SGCZ: variants seen among roughly 807,000 people sequenced by gnomAD.
SGCZ encodes sarcoglycan zeta, also known as zeta-sarcoglycan.
Under a neutral mutation model 41.3 loss-of-function variants are expected in SGCZ, and 40 were observed. The observed-to-expected ratio is 0.97, with a 90% CI of 0.75 to 1.26. SGCZ has a LOEUF of 1.26. SGCZ is among the 50% of genes most tolerant of loss of function. SGCZ has a pLI of 0.00. For missense variants in SGCZ, 552 were observed against 369.8 expected, an observed-to-expected ratio of 1.49 and a Z score of -4.04; for synonymous variants, 206 against 137.5, an observed-to-expected ratio of 1.50 and a Z score of -3.49.
At chr8:14,903,508 G>C (rs1319977750) in intron 1 of SGCZ, among the ~76,000 whole-genome samples, 1 of 152,064 alleles carries the variant, frequency 6.6e-6, no homozygotes, top group African/African-American at 2.4e-5. Flanking sequence ...TGTTCTCTAA[G>C]TATTTGAGTC....
intron 4 of SGCZ, among the ~76,000 whole-genome samples, chr8:14,234,826 C>A (rs1806697527): frequency 6.6e-6 from 1 of 152,124 alleles, no homozygotes. Context: ...TTTATTCTTA[C>A]ATAATTGAAG....
At chr8:14,471,064 G>A (rs568173899) in intron 2 of SGCZ, among the ~76,000 whole-genome samples, 13 of 152,080 alleles carry the variant, frequency 8.5e-5, no homozygotes, top group Non-Finnish European at 1.5e-4. Flanking sequence ...CACATTCTCA[G>A]CCAGACACTT....
intron 4 of SGCZ, among the ~76,000 whole-genome samples, chr8:14,232,963 A>G (rs543092326): frequency 4.4e-4 from 67 of 152,176 alleles, no homozygotes; most frequent in Non-Finnish European, 6.8e-4. Context: ...GGATAATAAT[A>G]TAGATGTGGG....
intron 4 of SGCZ, among the ~76,000 whole-genome samples, chr8:14,232,092 G>C (rs1378571239): frequency 6.6e-6 from 1 of 151,680 alleles, no homozygotes; most frequent in Admixed American, 6.6e-5. Context: ...TTTACTTTCA[G>C]AATCCTAATG....
chr8:15,007,138 G>A (rs1348287893), intron 1 of SGCZ, among the ~76,000 whole-genome samples: 1 of 152,068 alleles, frequency 6.6e-6, no homozygotes, highest in African/African-American at 2.4e-5. Flanking sequence ...TGCTCCAAAG[G>A]AAGAGATATA....
chr8:15,117,022 C>T lies in SGCZ; in HGVS notation c.39+120563G>A, dbSNP rs928176596. 2.2e-4 allele frequency among the ~76,000 whole-genome samples: 33 copies of T among 152,156 alleles called. 1 individual carries two copies. Among genetic ancestry groups the T allele is most frequent in the African/African-American group, 7.7e-4 (32 of 41,426 alleles). ...TAACAGTTACATCTTTGCTAAAGTGCTGTTTCTTCATATTATAACACTGTA... is the reference window on the plus strand; with the variant it reads ...TAACAGTTACATCTTTGCTAAAGTGTTGTTTCTTCATATTATAACACTGTA... On this transcript the variant is annotated intron_variant, in intron 1 of 7. Coordinates refer to ENST00000382080, the MANE Select transcript of SGCZ (RefSeq NM_139167.4).
At chr8:14,958,440 T>C (rs911190683) in intron 1 of SGCZ, among the ~76,000 whole-genome samples, 19 of 152,036 alleles carry the variant, frequency 1.2e-4, no homozygotes, top group Non-Finnish European at 2.6e-4. Context: ...TTAGGTAACA[T>C]GGTAAACTCT....
At chr8:14,705,483 T>A (rs1190235673) in intron 1 of SGCZ, among the ~76,000 whole-genome samples, 3 of 152,008 alleles carry the variant, frequency 2.0e-5, no homozygotes, top group African/African-American at 7.2e-5. Context: ...GCCTGCCATA[T>A]AAGAAAAATA....
chr8:15,030,926 G>A (rs1803636909), intron 1 of SGCZ, among the ~76,000 whole-genome samples: 3 of 152,114 alleles, frequency 2.0e-5, no homozygotes, highest in Admixed American at 6.6e-5. Flanking sequence ...AGAACTTACT[G>A]ACACCATGAT....
intron 1 of SGCZ, among the ~76,000 whole-genome samples, chr8:14,915,086 G>A (rs1031360114): frequency 1.3e-5 from 2 of 151,956 alleles, no homozygotes; most frequent in South Asian, 4.1e-4. Context: ...CTCTCATACT[G>A]CTTTTTCTAC....
chr8:14,603,782 T>TA (rs1805664810), intron 1 of SGCZ, among the ~76,000 whole-genome samples: 3 of 152,166 alleles, frequency 2.0e-5, no homozygotes, highest in Admixed American at 6.5e-5. Context: ...TATACCCTGT[T>TA]ACATGATTTA....
intron 1 of SGCZ, among the ~76,000 whole-genome samples, chr8:14,719,636 A>G (rs373002387): frequency 6.6e-6 from 1 of 151,748 alleles, no homozygotes; most frequent in Non-Finnish European, 1.5e-5. Context: ...GTGTTTTTTG[A>G]CTGCATAAAT....
At chr8:14,626,390 T>C (rs1378716768) in intron 1 of SGCZ, among the ~76,000 whole-genome samples, 2 of 152,050 alleles carry the variant, frequency 1.3e-5, no homozygotes, top group South Asian at 2.1e-4. Context: ...CCACTTTCTC[T>C]CTCCTCCTAC....
chr8:15,114,037 G>C (rs2116935238), intron 1 of SGCZ, among the ~76,000 whole-genome samples: 1 of 152,196 alleles, frequency 6.6e-6, no homozygotes, highest in South Asian at 2.1e-4. Flanking sequence ...CCCTCCTTTT[G>C]TCTCCTGCCA....
rs894716513 is a variant in SGCZ at position 14,931,585 on chromosome 8, T to C, written c.39+306000A>G. On this transcript the variant is annotated intron_variant, in intron 1 of 7. Coordinates refer to ENST00000382080, the MANE Select transcript of SGCZ (RefSeq NM_139167.4). ...CTTTTGTTTGCAAAAAATCTGATTA[T>C]GATAGTCTTTTCAAGTGAGCTCTGG... is the stretch of plus-strand genomic sequence containing the variant. Among the ~76,000 whole-genome samples the C allele has an allele frequency of 7.2e-5, 11 of 151,970 alleles. No homozygotes were observed. The East Asian group carries it at 1.9e-3, about 27-fold the overall frequency.
At chr8:14,780,191 G>A (rs914148799) in intron 1 of SGCZ, among the ~76,000 whole-genome samples, 2 of 151,876 alleles carry the variant, frequency 1.3e-5, no homozygotes, top group African/African-American at 2.4e-5. Context: ...TGGATAACAC[G>A]GTGAAACCCC....
chr8:14,160,148 C>T (rs1189897610), intron 5 of SGCZ, among the ~76,000 whole-genome samples: 1 of 152,166 alleles, frequency 6.6e-6, no homozygotes, highest in Non-Finnish European at 1.5e-5. Context: ...ATATATTTAA[C>T]TGCTGTCCTC....
chr8:14,639,950 T>C (rs570221471), intron 1 of SGCZ, among the ~76,000 whole-genome samples: 3 of 151,804 alleles, frequency 2.0e-5, no homozygotes, highest in Admixed American at 6.6e-5. Flanking sequence ...TGACAGACAG[T>C]AGTTACTTAG....
At chr8:14,735,325 A>C (rs1388036626) in intron 1 of SGCZ, among the ~76,000 whole-genome samples, 1 of 152,070 alleles carries the variant, frequency 6.6e-6, no homozygotes, top group African/African-American at 2.4e-5. Flanking sequence ...AAGAAGACCC[A>C]CTCTCGATGT....
Sources: allele counts gnomAD v4.1 joint callset (sites outside exome capture counted in the v4.1 genomes callset), GRCh38; gene constraint gnomAD v4.1.1; transcripts MANE v1.5; gene names NCBI Gene and HGNC (gene_info 2026-07-23, HGNC 2026-07-21).